Variants in BOD1L2 observed in about 807,000 individuals in gnomAD.
BOD1L2 encodes the protein biorientation of chromosomes in cell division protein 1-like 2.
Under a neutral mutation model 5.3 loss-of-function variants are expected in BOD1L2, and 6 were observed. The observed-to-expected ratio is 1.14, with a 90% CI of 0.62 to 2.25. BOD1L2 has a LOEUF of 2.25. BOD1L2 is among the 30% of genes most tolerant of loss of function. The pLI is 0.00. For missense variants in BOD1L2, 210 were observed against 227.2 expected (o/e 0.92, Z 0.49); for synonymous variants, 96 against 96.3 (o/e 1.00, Z 0.02).
At position 57,150,080 on chromosome 18, in the gene BOD1L2, A is replaced by T. The variant is rs2079394394; in HGVS notation, c.*2249A>T. 6.6e-6 allele frequency: 1 copy of T among 152,112 alleles called. No individual in the cohort carries two copies. The highest frequency in any genetic ancestry group is 6.5e-5 in the Admixed American group (1 of 15,276). 9.4% of individuals were successfully genotyped at this position (152,112 alleles called of 1,614,324 possible). A position where few individuals can be genotyped will look rare whatever the true frequency, so the allele number is the denominator to read the frequency against. On this transcript the variant is annotated 3_prime_UTR_variant, in exon 1 of 1. Coordinates refer to ENST00000585477, the MANE Select transcript of BOD1L2 (RefSeq NM_001257964.2). ...CAACAGATACTCTCCTAGGGCATGG[A>T]CCGTGCAATATTTGAAACATACTTG...
In BOD1L2 at chr18:57,147,298, G is replaced by A; in HGVS notation, c.-15G>A. ...GAAGCTATAATCGGTTTCCTTGTGGGCCCGGTGCGCAGCCATGGCGGACGG... is the reference window on the plus strand; with the variant it reads ...GAAGCTATAATCGGTTTCCTTGTGGACCCGGTGCGCAGCCATGGCGGACGG... On this transcript the variant is annotated 5_prime_UTR_variant, in exon 1 of 1. Coordinates refer to ENST00000585477, the MANE Select transcript of BOD1L2 (RefSeq NM_001257964.2). 1.7e-6 allele frequency: 2 copies of A among 1,161,212 alleles called. No homozygotes were observed. Among genetic ancestry groups the A allele is most frequent in the Non-Finnish European group, 2.1e-6 (2 of 945,720 alleles). 71.9% of individuals were successfully genotyped at this position (1,161,212 alleles called of 1,614,324 possible). A position where few individuals can be genotyped will look rare whatever the true frequency, so the allele number is the denominator to read the frequency against.
In BOD1L2 at chr18:57,147,359, C is replaced by G; in HGVS notation, c.47C>G (p.Ser16Trp). ...GGCAGCGGCGGTGCGGGCCCGGCCT[C>G]GACCCGGGCCAGCGGGGGCGGCGGC... The part of the protein sequence containing the change: ...GGGSGGAGPA[S>W]TRASGGGGPI... Residue 16 changes from serine (S) to tryptophan (W), a missense_variant, in exon 1 of 1, where the codon TCG becomes TGG. By Grantham distance (177) the Ser-to-Trp change is radical (BLOSUM62 -3). Transcript: ENST00000585477. 1 of 1,479,590 alleles carries G rather than the reference C, an allele frequency of 6.8e-7. No individual in the cohort carries two copies. Among genetic ancestry groups the G allele is most frequent in the Non-Finnish European group, 8.9e-7 (1 of 1,119,418 alleles). The allele number at this position is 1,479,590 out of a possible 1,614,324, so 91.7% of individuals were successfully genotyped here.
Position 57,148,726 on chromosome 18 carries a change from A to G in BOD1L2, c.*895A>G, listed in dbSNP as rs1041248700. ...GCCCGTGATAATGGGGCCCCTGGTC[A>G]CCTCTGCTGCCCCGTACACTGTCAT... is the stretch of plus-strand genomic sequence containing the variant. On this transcript the variant is annotated 3_prime_UTR_variant, in exon 1 of 1. Transcript: ENST00000585477. 4 of 152,150 alleles carry G rather than the reference A, an allele frequency of 2.6e-5. No individual in the cohort carries two copies. Among genetic ancestry groups the G allele is most frequent in the African/African-American group, 9.7e-5 (4 of 41,430 alleles). The allele number at this position is 152,150 out of a possible 1,614,324, so 9.4% of individuals were successfully genotyped here.
Position 57,148,162 on chromosome 18 carries a change from G to A in BOD1L2, c.*331G>A, listed in dbSNP as rs1238050802. On this transcript the variant is annotated 3_prime_UTR_variant, in exon 1 of 1. Coordinates refer to ENST00000585477, the MANE Select transcript of BOD1L2 (RefSeq NM_001257964.2). ...TACTTGAACATGGAGACTGCACATG[G>A]ATTTTAGGGTTTGTGCTCTGAGATA... 1 of 213,810 alleles carries A rather than the reference G, an allele frequency of 4.7e-6. No homozygotes were observed. The highest frequency in any genetic ancestry group is 2.2e-5 in the African/African-American group (1 of 44,626). 13.2% of individuals were successfully genotyped at this position (213,810 alleles called of 1,614,324 possible).
In BOD1L2 at chr18:57,148,138, A is replaced by T; in HGVS notation, c.*307A>T. The T allele has an allele frequency of 3.8e-6, 1 of 265,118 alleles. No homozygotes were observed. Among genetic ancestry groups the T allele is most frequent in the South Asian group, 7.8e-5 (1 of 12,832 alleles). 16.4% of individuals were successfully genotyped at this position (265,118 alleles called of 1,614,324 possible). Reference sequence around the variant, plus strand: ...GGATTGTCCTGAAACAGACATCTATACTTGAACATGGAGACTGCACATGGA... The same window carrying T: ...GGATTGTCCTGAAACAGACATCTATTCTTGAACATGGAGACTGCACATGGA... On this transcript the variant is annotated 3_prime_UTR_variant, in exon 1 of 1. Transcript: ENST00000585477.
Position 57,148,011 on chromosome 18 carries a change from T to C in BOD1L2, c.*180T>C. 1 of 711,230 alleles carries C rather than the reference T, an allele frequency of 1.4e-6. No individual in the cohort carries two copies. The highest frequency in any genetic ancestry group is 1.8e-5 in the African/African-American group (1 of 55,422). 44.1% of individuals were successfully genotyped at this position (711,230 alleles called of 1,614,324 possible). A position where few individuals can be genotyped will look rare whatever the true frequency, so the allele number is the denominator to read the frequency against. ...GGAAGCAAGTTCGCCAGAGAGAAAG[T>C]TGACCGTGGCACCCTCCTGCATTGC... On this transcript the variant is annotated 3_prime_UTR_variant, in exon 1 of 1. Transcript: ENST00000585477.
chr18:57,149,025 C>T lies in BOD1L2; in HGVS notation c.*1194C>T, dbSNP rs1461497920. 3.3e-5 allele frequency: 5 copies of T among 152,214 alleles called. No homozygotes were observed. The highest frequency in any genetic ancestry group is 7.2e-5 in the African/African-American group (3 of 41,446). 9.4% of individuals were successfully genotyped at this position (152,214 alleles called of 1,614,324 possible). On this transcript the variant is annotated 3_prime_UTR_variant, in exon 1 of 1. Transcript: ENST00000585477. ...GTACTAAACGCTTAACTTCGCTTACCGTAGTAAGTCCTCATGATCTAATTG... is the reference window on the plus strand; with the variant it reads ...GTACTAAACGCTTAACTTCGCTTACTGTAGTAAGTCCTCATGATCTAATTG...
At position 57,147,171 on chromosome 18, in the gene BOD1L2, CA is replaced by C; in HGVS notation, c.-141del. On this transcript the variant is annotated 5_prime_UTR_variant, in exon 1 of 1. Coordinates refer to ENST00000585477, the MANE Select transcript of BOD1L2 (RefSeq NM_001257964.2). ...CCGCCCCAACCACCGGCCCCGCCGC[CA>C]TCACCACCACCGTCACCTCCGCCGC... 4.8e-6 allele frequency: 5 copies of C among 1,033,868 alleles called. No homozygotes were observed. The highest frequency in any genetic ancestry group is 5.9e-6 in the Non-Finnish European group (5 of 852,204). 64.0% of individuals were successfully genotyped at this position (1,033,868 alleles called of 1,614,324 possible). A position where few individuals can be genotyped will look rare whatever the true frequency, so the allele number is the denominator to read the frequency against.
rs2048925191 is a variant in BOD1L2, at chr18:57,147,210, G to A, written c.-103G>A. ...TCACCTCCGCCGCTGCCTCCTTGGG[G>A]CCCTCCTCCTTCACCGCCCCCTTAG... is the stretch of plus-strand genomic sequence containing the variant. On this transcript the variant is annotated 5_prime_UTR_variant, in exon 1 of 1. Transcript: ENST00000585477. 1 of 1,074,624 alleles carries A rather than the reference G, an allele frequency of 9.3e-7. No homozygotes were observed. The highest frequency in any genetic ancestry group is 1.1e-6 in the Non-Finnish European group (1 of 885,884). 66.6% of individuals were successfully genotyped at this position (1,074,624 alleles called of 1,614,324 possible). A position where few individuals can be genotyped will look rare whatever the true frequency, so the allele number is the denominator to read the frequency against.
Position 57,147,583 on chromosome 18 carries a change from C to T in BOD1L2, c.271C>T (p.Pro91Ser), listed in dbSNP as rs753836002. 1.2e-6 allele frequency: 2 copies of T among 1,613,064 alleles called. No individual in the cohort carries two copies. The highest frequency in any genetic ancestry group is 1.7e-6 in the Non-Finnish European group (2 of 1,179,910). ...STHLDKQEWN[P>S]PANDNQLHDG... ...ACATCTGGACAAGCAGGAATGGAAT[C>T]CTCCAGCAAACGACAACCAACTGCA... Residue 91 changes from proline (P) to serine (S), a missense_variant, in exon 1 of 1, where the codon CCT (proline) becomes TCT (serine). Pro to Ser is a moderately conservative substitution (Grantham distance 74). Transcript: ENST00000585477.
Position 57,147,631 on chromosome 18 carries a change from G to C in BOD1L2, c.319G>C (p.Val107Leu), listed in dbSNP as rs762278361. Reference protein sequence around the residue: ...QLHDGLRQSVVQSGRSEAGVD... With the variant: ...QLHDGLRQSVLQSGRSEAGVD... Reference sequence around the variant, plus strand: ...GCACGATGGTCTGAGGCAGAGTGTGGTTCAGTCAGGGAGGTCAGAAGCTGG... The same window carrying C: ...GCACGATGGTCTGAGGCAGAGTGTGCTTCAGTCAGGGAGGTCAGAAGCTGG... The change falls in exon 1 of 1, where the codon GTT becomes CTT. Residue 107 changes from valine to leucine, a missense_variant. Transcript: ENST00000585477. 2.3e-5 allele frequency: 37 copies of C among 1,613,120 alleles called. No individual in the cohort carries two copies. The highest frequency in any genetic ancestry group is 3.1e-5 in the Non-Finnish European group (36 of 1,180,042).
In BOD1L2 at chr18:57,147,711, G is replaced by A. The variant is rs2048932415; in HGVS notation, c.399G>A (p.Arg133=). ...VVDPKLNHIF[R]PQIEQIIHEF... ...ATCCAAAACTAAACCACATCTTCAG[G>A]CCACAAATAGAACAAATAATTCATG... The change falls in exon 1 of 1, where the codon AGG becomes AGA. Residue 133 remains arginine, a synonymous_variant. Transcript: ENST00000585477. 6.2e-7 allele frequency: 1 copy of A among 1,613,618 alleles called. No homozygotes were observed. The highest frequency in any genetic ancestry group is 8.5e-7 in the Non-Finnish European group (1 of 1,180,036).
Position 57,147,958 on chromosome 18 carries a change from C to T in BOD1L2, c.*127C>T, listed in dbSNP as rs2048935142. The stretch of plus-strand genomic sequence containing the variant: ...ATCACTGAGCTCAAGATTTCCACCT[C>T]GACCATGAGCAGTGACCAGATTGAA... On this transcript the variant is annotated 3_prime_UTR_variant, in exon 1 of 1. Coordinates refer to ENST00000585477, the MANE Select transcript of BOD1L2 (RefSeq NM_001257964.2). 5.6e-6 allele frequency: 6 copies of T among 1,077,774 alleles called. No individual in the cohort carries two copies. Among genetic ancestry groups the T allele is most frequent in the South Asian group, 3.4e-5 (2 of 58,836 alleles). 66.8% of individuals were successfully genotyped at this position (1,077,774 alleles called of 1,614,324 possible).
chr18:57,147,774 A>G lies in BOD1L2; in HGVS notation c.462A>G (p.Ala154=). 6.2e-7 allele frequency: 1 copy of G among 1,613,732 alleles called. No homozygotes were observed. The highest frequency in any genetic ancestry group is 1.6e-4 in the Middle Eastern group (1 of 6,062). ...LVAQKEAAVP[A]LPPEPEGQDP... Reference sequence around the variant, plus strand: ...CCCAGAAAGAAGCAGCTGTGCCAGCACTCCCTCCAGAGCCAGAAGGCCAGG... The same window carrying G: ...CCCAGAAAGAAGCAGCTGTGCCAGCGCTCCCTCCAGAGCCAGAAGGCCAGG... The change falls in exon 1 of 1, where the codon GCA becomes GCG. Residue 154 remains alanine, a synonymous_variant. Coordinates refer to ENST00000585477, the MANE Select transcript of BOD1L2 (RefSeq NM_001257964.2).
chr18:57,149,010 C>T lies in BOD1L2; in HGVS notation c.*1179C>T, dbSNP rs1167707032. The T allele has an allele frequency of 6.6e-6, 1 of 152,244 alleles. No individual in the cohort carries two copies. Among genetic ancestry groups the T allele is most frequent in the African/African-American group, 2.4e-5 (1 of 41,464 alleles). 9.4% of individuals were successfully genotyped at this position (152,244 alleles called of 1,614,324 possible). The stretch of plus-strand genomic sequence containing the variant: ...TCTACAGCTGGCAGTGTACTAAACG[C>T]TTAACTTCGCTTACCGTAGTAAGTC... On this transcript the variant is annotated 3_prime_UTR_variant, in exon 1 of 1. Transcript: ENST00000585477.
In BOD1L2 at chr18:57,147,658, G is replaced by A. The variant is rs753686591; in HGVS notation, c.346G>A (p.Val116Met). 2.2e-5 allele frequency: 36 copies of A among 1,613,398 alleles called. No homozygotes were observed. The highest frequency in any genetic ancestry group is 3.1e-5 in the Non-Finnish European group (36 of 1,180,052). Residue 116 changes from valine to methionine, a missense_variant, in exon 1 of 1, where the codon GTG (valine) becomes ATG (methionine). Coordinates refer to ENST00000585477, the MANE Select transcript of BOD1L2 (RefSeq NM_001257964.2). ...TCAGTCAGGGAGGTCAGAAGCTGGA[G>A]TGGACAGGATTAGTTCTCAGGTGGT... The part of the protein sequence containing the change: ...VVQSGRSEAG[V>M]DRISSQVVDP...
In BOD1L2 at chr18:57,147,153, A is replaced by G; in HGVS notation, c.-160A>G. ...AGCTGGCCTCCCCCACCGCCGCCCC[A>G]ACCACCGGCCCCGCCGCCATCACCA... On this transcript the variant is annotated 5_prime_UTR_variant, in exon 1 of 1. Coordinates refer to ENST00000585477, the MANE Select transcript of BOD1L2 (RefSeq NM_001257964.2). 1.1e-6 allele frequency: 1 copy of G among 923,490 alleles called. No homozygotes were observed. The highest frequency in any genetic ancestry group is 5.2e-5 in the South Asian group (1 of 19,334). 57.2% of individuals were successfully genotyped at this position (923,490 alleles called of 1,614,324 possible).
In BOD1L2 at chr18:57,147,885, A is replaced by G; in HGVS notation, c.*54A>G. 5 of 1,504,560 alleles carry G rather than the reference A, an allele frequency of 3.3e-6. No individual in the cohort carries two copies. The highest frequency in any genetic ancestry group is 4.5e-6 in the Non-Finnish European group (5 of 1,118,186). 93.2% of individuals were successfully genotyped at this position (1,504,560 alleles called of 1,614,324 possible). On this transcript the variant is annotated 3_prime_UTR_variant, in exon 1 of 1. Transcript: ENST00000585477. Reference sequence around the variant, plus strand: ...TATTTAATTTTTGGTGAAGAAATGGATTCGGTTACATAAGAGTGCAGTTTC... The same window carrying G: ...TATTTAATTTTTGGTGAAGAAATGGGTTCGGTTACATAAGAGTGCAGTTTC...
chr18:57,149,978 CT>C lies in BOD1L2; in HGVS notation c.*2151del, dbSNP rs1463230140. On this transcript the variant is annotated 3_prime_UTR_variant, in exon 1 of 1. Coordinates refer to ENST00000585477, the MANE Select transcript of BOD1L2 (RefSeq NM_001257964.2). ...TTTCCTTTACCAGTTCTCTATTCTC[CT>C]TTTCTACTTGAATTGTCCTGAGACA... 1 of 151,886 alleles carries C rather than the reference CT, an allele frequency of 6.6e-6. No individual in the cohort carries two copies. The highest frequency in any genetic ancestry group is 1.9e-4 in the East Asian group (1 of 5,200). The allele number at this position is 151,886 out of a possible 1,614,324, so 9.4% of individuals were successfully genotyped here.
Sources: allele counts gnomAD v4.1 joint callset, GRCh38; gene constraint gnomAD v4.1.1; transcripts MANE v1.5; gene names NCBI Gene and HGNC (gene_info 2026-07-23, HGNC 2026-07-21).